Variants in PTPRT observed in about 807,000 individuals in gnomAD.
PTPRT encodes protein tyrosine phosphatase receptor type T.
PTPRT carries 56 observed loss-of-function variants against 176.8 expected under a neutral mutation model. The ratio of observed to expected loss-of-function variants is 0.32; its 90% CI spans 0.26 to 0.40. The LOEUF (loss-of-function observed/expected upper bound fraction) is 0.40, where lower values mean the gene tolerates loss of function less well. Ranked by LOEUF, PTPRT falls within the 10% of genes least tolerant of loss-of-function variation. PTPRT has a pLI of 1.00. For missense variants in PTPRT, 1,540 were observed against 1,908.2 expected, an observed-to-expected ratio of 0.81 and a Z score of 3.60; for synonymous variants, 783 against 739.0, an observed-to-expected ratio of 1.06 and a Z score of -0.96.
chr20:42,612,508 T>C (rs2073992402), intron 7 of PTPRT, among the ~76,000 whole-genome samples: 1 of 152,098 alleles, frequency 6.6e-6, no homozygotes, highest in Non-Finnish European at 1.5e-5. Context: ...CAGCCATTTC[T>C]GAATGCATTT....
chr20:42,938,481 G>T (rs75344603), intron 1 of PTPRT, among the ~76,000 whole-genome samples: 3,083 of 152,150 alleles, frequency 0.02, 95 homozygotes, highest in African/African-American at 0.071. Flanking sequence ...TCATAATATA[G>T]ATGGGCCTTC....
intron 6 of PTPRT, among the ~76,000 whole-genome samples, chr20:42,731,563 G>C (rs1347197638): frequency 6.6e-6 from 1 of 152,208 alleles, no homozygotes; most frequent in African/African-American, 2.4e-5. Context: ...CTCACCACCA[G>C]GCCCAGCACT....
intron 2 of PTPRT, among the ~76,000 whole-genome samples, chr20:42,864,618 G>C (rs2078715505): frequency 1.3e-5 from 2 of 152,168 alleles, no homozygotes; most frequent in South Asian, 4.2e-4. Flanking sequence ...GAGAAACTTT[G>C]CTCAATAGCT....
intron 27 of PTPRT, among the ~76,000 whole-genome samples, chr20:42,086,090 G>A (rs1369656751): frequency 6.6e-6 from 1 of 152,052 alleles, no homozygotes; most frequent in Non-Finnish European, 1.5e-5. Flanking sequence ...TGGGATTATA[G>A]GCACCTGCCA....
intron 1 of PTPRT, among the ~76,000 whole-genome samples, chr20:43,153,329 T>G (rs1301551572): frequency 2.0e-5 from 3 of 152,138 alleles, no homozygotes; most frequent in Non-Finnish European, 4.4e-5. Flanking sequence ...ATAATTAGCT[T>G]TGCATGAGGT....
chr20:42,577,837 C>CTGTGTGTGTGTGTGTGTGTGTGTG (rs11468271), intron 7 of PTPRT, among the ~76,000 whole-genome samples: 30 of 139,426 alleles, frequency 2.2e-4, no homozygotes, highest in African/African-American at 7.3e-4. Flanking sequence ...CTGAGCAAGG[C>CTGTGTGTGTGTGTGTGTGTGTGTG]TGTGTGTGTG....
At chr20:42,864,721 A>G (rs187082121) in intron 2 of PTPRT, among the ~76,000 whole-genome samples, 60 of 152,306 alleles carry the variant, frequency 3.9e-4, no homozygotes, top group African/African-American at 1.4e-3. Context: ...CTGAAATTCA[A>G]CTGTACAGAG....
intron 12 of PTPRT, among the ~76,000 whole-genome samples, chr20:42,315,134 C>T (rs538083467): frequency 9.9e-5 from 6 of 60,868 alleles, no homozygotes; most frequent in African/African-American, 3.9e-4. Context: ...GCCGAGATTG[C>T]GCCACTGCAG....
intron 1 of PTPRT, among the ~76,000 whole-genome samples, chr20:42,898,836 C>T (rs572067839): frequency 6.6e-6 from 1 of 152,216 alleles, no homozygotes; most frequent in Admixed American, 6.5e-5. Context: ...GTTGGGTCAG[C>T]GCCAGCCTCA....
intron 7 of PTPRT, among the ~76,000 whole-genome samples, chr20:42,515,396 T>G (rs1302977506): frequency 1.3e-5 from 2 of 152,138 alleles, no homozygotes; most frequent in Admixed American, 6.5e-5. Flanking sequence ...GGCAGGAGAA[T>G]TGCTTGAACT....
chr20:42,422,414 G>T (rs1446755315), intron 9 of PTPRT, among the ~76,000 whole-genome samples: 1 of 152,292 alleles, frequency 6.6e-6, no homozygotes, highest in African/African-American at 2.4e-5. Flanking sequence ...CTTTTCAAAA[G>T]AAGACAACAG....
chr20:42,992,927 A>G (rs1034921779), intron 1 of PTPRT, among the ~76,000 whole-genome samples: 4 of 152,136 alleles, frequency 2.6e-5, no homozygotes, highest in Non-Finnish European at 1.5e-5. Flanking sequence ...AATATGTTAC[A>G]TGGTGACACA....
chr20:42,050,480 C>T, the PTPRT span, among the ~76,000 whole-genome samples: 1 of 152,098 alleles, frequency 6.6e-6, no homozygotes, highest in Admixed American at 6.5e-5. Flanking sequence ...CTGCTCTGAG[C>T]CGCTCTGTTC....
rs574872430 is a variant in PTPRT, at chr20:42,614,682, A to G, written c.1153+63184T>C. ...AAAAGAATGTTCTGACCACCCTGCA[A>G]TGAATTATTTCCCTTTACTTGCTGT... On this transcript the variant is annotated intron_variant, in intron 7 of 30. Transcript: ENST00000373187. Among the ~76,000 whole-genome samples the G allele has an allele frequency of 2.0e-5, 3 of 152,306 alleles. No individual in the cohort carries two copies. The East Asian group carries it at 5.8e-4, about 29-fold the overall frequency.
At chr20:42,643,796 C>G (rs562891328) in intron 7 of PTPRT, among the ~76,000 whole-genome samples, 1 of 152,008 alleles carries the variant, frequency 6.6e-6, no homozygotes, top group Non-Finnish European at 1.5e-5. Context: ...CTGCTTTATA[C>G]GACTGGTTGC....
At chr20:42,382,683 A>G (rs2058708318) in intron 9 of PTPRT, among the ~76,000 whole-genome samples, 2 of 152,064 alleles carry the variant, frequency 1.3e-5, no homozygotes, top group Admixed American at 6.5e-5. Context: ...AAGGTGGGGA[A>G]CAGGGAGAAT....
the PTPRT span, among the ~76,000 whole-genome samples, chr20:42,048,450 T>C: frequency 3.9e-5 from 6 of 152,114 alleles, no homozygotes; most frequent in Admixed American, 3.3e-4. Flanking sequence ...TCATAAGAGG[T>C]GATAAAGCTT....
intron 12 of PTPRT, among the ~76,000 whole-genome samples, chr20:42,308,728 C>A (rs1346308722): frequency 6.6e-6 from 1 of 152,090 alleles, no homozygotes; most frequent in Non-Finnish European, 1.5e-5. Flanking sequence ...AATTCAAAGC[C>A]AAGTCTGTCT....
At chr20:42,516,117 G>C (rs570389345) in intron 7 of PTPRT, among the ~76,000 whole-genome samples, 1 of 109,994 alleles carries the variant, frequency 9.1e-6, no homozygotes, top group East Asian at 3.4e-4. Flanking sequence ...GGTGGGGGGA[G>C]GGGGGAGGGA....
Sources: gnomAD v4.1 joint callset for allele counts (sites outside exome capture counted in the v4.1 genomes callset) on GRCh38, gnomAD v4.1.1 for gene constraint, MANE v1.5 for transcripts, NCBI Gene and HGNC (gene_info 2026-07-23, HGNC 2026-07-21) for gene names.